NOL4: variants seen among roughly 807,000 people sequenced by gnomAD.
NOL4 encodes nucleolar protein 4, also known as cancer/testis antigen 125.
A neutral mutation model predicts 75.9 loss-of-function variants in NOL4; 17 were observed. The ratio of observed to expected loss-of-function variants is 0.22; its 90% CI spans 0.15 to 0.34. The LOEUF (loss-of-function observed/expected upper bound fraction) is 0.34. Among genes scored for constraint, NOL4 ranks in the 10% least tolerant of loss-of-function variants. The probability of loss-of-function intolerance (pLI) is 1.00; values close to 1 mark genes in which losing one functional copy is unlikely to be tolerated. For missense variants in NOL4, 614 were observed against 793.5 expected, an observed-to-expected ratio of 0.77 and a Z score of 2.72; for synonymous variants, 292 against 289.9, an observed-to-expected ratio of 1.01 and a Z score of -0.07.
chr18:33,967,869 C>G (rs554037329), intron 6 of NOL4, among the ~76,000 whole-genome samples: 29 of 152,166 alleles, frequency 1.9e-4, no homozygotes, highest in African/African-American at 7.0e-4. Context: ...AGGCGGATCA[C>G]AAGATTAGGA....
chr18:33,997,310 C>A (rs924591711), intron 6 of NOL4, among the ~76,000 whole-genome samples: 1 of 151,842 alleles, frequency 6.6e-6, no homozygotes, highest in Admixed American at 6.6e-5. Context: ...CCAATTATCC[C>A]AGCAGCATTT....
At chr18:33,883,733 G>T (rs1250513545) in intron 9 of NOL4, among the ~76,000 whole-genome samples, 2 of 151,968 alleles carry the variant, frequency 1.3e-5, no homozygotes, top group Admixed American at 1.3e-4. Context: ...ACAGATAAAT[G>T]AATAAAGAAA....
chr18:34,170,366 T>C (rs2032906481), intron 1 of NOL4, among the ~76,000 whole-genome samples: 2 of 151,868 alleles, frequency 1.3e-5, no homozygotes, highest in Admixed American at 1.3e-4. Flanking sequence ...TATTTTATTT[T>C]TTTTAGTAGA....
chr18:34,198,629 G>A (rs2035508528), intron 1 of NOL4, among the ~76,000 whole-genome samples: 1 of 151,642 alleles, frequency 6.6e-6, no homozygotes, highest in Non-Finnish European at 1.5e-5. Context: ...GCATATTCTT[G>A]GGAACAATGT....
intron 1 of NOL4, among the ~76,000 whole-genome samples, chr18:34,176,007 A>G (rs1460550323): frequency 6.6e-6 from 1 of 152,158 alleles, no homozygotes; most frequent in Admixed American, 6.6e-5. Flanking sequence ...CTTGGAGGAA[A>G]CTAGTTTATT....
chr18:33,873,062 C>T (rs2063772995), intron 10 of NOL4, among the ~76,000 whole-genome samples: 1 of 151,920 alleles, frequency 6.6e-6, no homozygotes, highest in Non-Finnish European at 1.5e-5. Flanking sequence ...TGCATAATTC[C>T]AGTTACGTTT....
At chr18:34,145,441 G>T (rs1164432606) in intron 1 of NOL4, among the ~76,000 whole-genome samples, 1 of 149,560 alleles carries the variant, frequency 6.7e-6, no homozygotes, top group African/African-American at 2.5e-5. Flanking sequence ...ACAAATAAAA[G>T]AATGACATAA....
intron 9 of NOL4, among the ~76,000 whole-genome samples, chr18:33,928,952 G>A (rs2067510557): frequency 6.6e-6 from 1 of 152,168 alleles, no homozygotes; most frequent in East Asian, 1.9e-4. Flanking sequence ...ATTCATTATT[G>A]CTTTTTGGCA....
At chr18:34,069,113 A>G (rs1308240574) in intron 5 of NOL4, among the ~76,000 whole-genome samples, 1 of 152,192 alleles carries the variant, frequency 6.6e-6, no homozygotes, top group African/African-American at 2.4e-5. Flanking sequence ...TAAAATAACC[A>G]TTATTGATGT....
chr18:34,088,396 G>A (rs1046260566), intron 5 of NOL4, among the ~76,000 whole-genome samples: 15 of 152,072 alleles, frequency 9.9e-5, no homozygotes, highest in Admixed American at 8.5e-4. Flanking sequence ...TTCCATAAAT[G>A]ACTAGGATCT....
At chr18:33,860,754 G>C (rs1214101682) in intron 10 of NOL4, among the ~76,000 whole-genome samples, 2 of 152,052 alleles carry the variant, frequency 1.3e-5, no homozygotes, top group East Asian at 3.9e-4. Flanking sequence ...CATTCAGTAT[G>C]ATATTGGCTG....
rs377145196 is a variant in NOL4, at chr18:33,914,535, CTAAA to C, written c.1542+28526_1542+28529del. 2.0e-3 allele frequency among the ~76,000 whole-genome samples: 301 copies of C among 152,020 alleles called. 1 individual carries two copies. The highest frequency in any genetic ancestry group is 5.9e-3 in the African/African-American group (243 of 41,448). ...ACTCTGGCAACATATAAACAACAGA[CTAAA>C]TGAGGGATAAGAGCAAGAGGAAGAG... On this transcript the variant is annotated intron_variant, in intron 9 of 10. Coordinates refer to ENST00000261592, the MANE Select transcript of NOL4 (RefSeq NM_003787.5).
At chr18:33,950,446 C>A (rs554369159) in intron 8 of NOL4, among the ~76,000 whole-genome samples, 1 of 152,172 alleles carries the variant, frequency 6.6e-6, no homozygotes, top group Non-Finnish European at 1.5e-5. Context: ...CAAAGAAGCA[C>A]ATTAGTAAAT....
At chr18:34,196,407 C>CA in intron 1 of NOL4, among the ~76,000 whole-genome samples, 1 of 152,130 alleles carries the variant, frequency 6.6e-6, no homozygotes, top group Non-Finnish European at 1.5e-5. Flanking sequence ...CACACACATT[C>CA]ACAGTCTTCT....
At chr18:34,097,089 A>C (rs190830047) in intron 4 of NOL4, among the ~76,000 whole-genome samples, 18 of 152,230 alleles carry the variant, frequency 1.2e-4, no homozygotes, top group Admixed American at 1.2e-3. Context: ...ATTTCTCTAC[A>C]CCAGTCCTGC....
chr18:34,123,199 C>T (rs1263987405), intron 2 of NOL4, among the ~76,000 whole-genome samples: 3 of 150,730 alleles, frequency 2.0e-5, no homozygotes, highest in Non-Finnish European at 4.4e-5. Context: ...CTGGCCACTG[C>T]GGTGAGCAAC....
intron 5 of NOL4, among the ~76,000 whole-genome samples, chr18:34,065,269 T>C (rs994057313): frequency 3.9e-5 from 6 of 151,934 alleles, no homozygotes; most frequent in African/African-American, 1.4e-4. Flanking sequence ...TTTGATTGTG[T>C]AGCCCCTTTG....
At chr18:34,019,218 T>A in intron 6 of NOL4, 100 bp downstream of exon 6, 1 of 971,724 alleles carries the variant, frequency 1.0e-6, no homozygotes, top group Non-Finnish European at 1.5e-6. Context: ...TTGTTTATAA[T>A]ATTTTTATTA....
chr18:33,957,727 GCAGA>G (rs971692018), intron 7 of NOL4, among the ~76,000 whole-genome samples: 5 of 152,090 alleles, frequency 3.3e-5, no homozygotes, highest in African/African-American at 1.2e-4. Flanking sequence ...AGAGAGAAAG[GCAGA>G]CAGACAGACA....
Sources: allele counts gnomAD v4.1 joint callset (sites outside exome capture counted in the v4.1 genomes callset), GRCh38; gene constraint gnomAD v4.1.1; transcripts MANE v1.5; gene names NCBI Gene and HGNC (gene_info 2026-07-23, HGNC 2026-07-21).